Variants in ARMH4 observed in about 807,000 individuals in gnomAD.
The protein encoded by ARMH4 is armadillo-like helical domain-containing protein 4.
A neutral mutation model predicts 61.9 loss-of-function variants in ARMH4; 49 were observed. The ratio of observed to expected loss-of-function variants is 0.79; its 90% CI spans 0.63 to 1.00. ARMH4 has a LOEUF of 1.00. Among genes scored for constraint, ARMH4 ranks in the 50% least tolerant of loss-of-function variants. ARMH4 has a pLI of 0.00. For missense variants in ARMH4, 934 were observed against 930.0 expected, an observed-to-expected ratio of 1.00 and a Z score of -0.06; for synonymous variants, 368 against 341.5, an observed-to-expected ratio of 1.08 and a Z score of -0.85.
At chr14:58,030,876 C>T (rs1355053404) in intron 5 of ARMH4, among the ~76,000 whole-genome samples, 1 of 152,150 alleles carries the variant, frequency 6.6e-6, no homozygotes, top group Non-Finnish European at 1.5e-5. Flanking sequence ...ATACACCCAT[C>T]AATGGACACT....
At chr14:58,081,357 G>A (rs1885219999) in intron 5 of ARMH4, among the ~76,000 whole-genome samples, 1 of 152,112 alleles carries the variant, frequency 6.6e-6, no homozygotes. Flanking sequence ...GGTCAACACT[G>A]TGCTTGCTTT....
intron 5 of ARMH4, among the ~76,000 whole-genome samples, chr14:58,015,363 T>C (rs191849003): frequency 8.5e-5 from 13 of 152,212 alleles, no homozygotes; most frequent in Non-Finnish European, 1.6e-4. Context: ...AGTGAGTAAG[T>C]ATTCTGGTGG....
intron 5 of ARMH4, among the ~76,000 whole-genome samples, chr14:58,061,219 T>C (rs1050403569): frequency 6.6e-6 from 1 of 152,190 alleles, no homozygotes; most frequent in African/African-American, 2.4e-5. Context: ...CAGATTCTCC[T>C]GAATTTCAAC....
chr14:58,082,127 T>C (rs921099028), intron 5 of ARMH4, among the ~76,000 whole-genome samples: 7 of 152,244 alleles, frequency 4.6e-5, no homozygotes, highest in African/African-American at 1.2e-4. Context: ...TCAAAGATTA[T>C]GCTGACAACC....
At chr14:58,065,697 G>A (rs1884680580) in intron 5 of ARMH4, among the ~76,000 whole-genome samples, 1 of 152,208 alleles carries the variant, frequency 6.6e-6, no homozygotes, top group Admixed American at 6.5e-5. Context: ...CTTAGGTGTG[G>A]GCATGGCCTG....
At chr14:58,090,009 G>A (rs1885505950) in intron 5 of ARMH4, among the ~76,000 whole-genome samples, 1 of 152,140 alleles carries the variant, frequency 6.6e-6, no homozygotes, top group Non-Finnish European at 1.5e-5. Context: ...ATAGATACAT[G>A]AGTGCTCCCC....
intron 6 of ARMH4, among the ~76,000 whole-genome samples, chr14:58,007,349 A>G (rs1165093673): frequency 6.6e-6 from 1 of 152,202 alleles, no homozygotes; most frequent in Non-Finnish European, 1.5e-5. Flanking sequence ...ATTTATATTT[A>G]TATTTGTAAA....
At chr14:58,107,725 T>C (rs781150390) in intron 4 of ARMH4, among the ~76,000 whole-genome samples, 11 of 143,490 alleles carry the variant, frequency 7.7e-5, no homozygotes, top group Non-Finnish European at 1.2e-4. Context: ...GATTACGCCA[T>C]TGCACTCCAG....
intron 5 of ARMH4, among the ~76,000 whole-genome samples, chr14:58,061,691 T>C (rs758366956): frequency 6.6e-6 from 1 of 152,172 alleles, no homozygotes; most frequent in African/African-American, 2.4e-5. Flanking sequence ...CAGCACCTTA[T>C]GAATATTCCA....
At chr14:58,041,387 CA>C (rs1235032261) in intron 5 of ARMH4, among the ~76,000 whole-genome samples, 1 of 152,122 alleles carries the variant, frequency 6.6e-6, no homozygotes, top group Admixed American at 6.6e-5. Context: ...TACAGACAAG[CA>C]AATGCTGAGA....
At chr14:58,110,907 G>C (rs1886333785) in intron 4 of ARMH4, among the ~76,000 whole-genome samples, 1 of 151,956 alleles carries the variant, frequency 6.6e-6, no homozygotes, top group Non-Finnish European at 1.5e-5. Context: ...TATTACAGGT[G>C]CACACCACCA....
Position 58,076,902 on chromosome 14 carries a change from C to T in ARMH4, c.2089+19822G>A, listed in dbSNP as rs17094337. ...TCCTATAGTTGAACCCAGACTCGGG[C>T]CCCTCATTCCTCCCATCGGGGCCAC... is the stretch of plus-strand genomic sequence containing the variant. On this transcript the variant is annotated intron_variant, in intron 5 of 7. Transcript: ENST00000267485. 8.7e-3 allele frequency among the ~76,000 whole-genome samples: 1,319 copies of T among 152,264 alleles called. 15 individuals are homozygous for T. The highest frequency in any genetic ancestry group is 0.028 in the African/African-American group (1,166 of 41,544).
At chr14:58,012,179 A>T in intron 5 of ARMH4, 29 bp from the exon 6 acceptor site, 1 of 1,293,560 alleles carries the variant, frequency 7.7e-7, no homozygotes, top group Non-Finnish European at 1.1e-6. Context: ...AATAAAATGA[A>T]ATAACCATCT....
chr14:58,006,505 T>C (rs1419149967), intron 6 of ARMH4, among the ~76,000 whole-genome samples: 4 of 152,184 alleles, frequency 2.6e-5, no homozygotes, highest in Non-Finnish European at 4.4e-5. Context: ...ACAGCAGCAC[T>C]TTCCTCTTGT....
intron 5 of ARMH4, among the ~76,000 whole-genome samples, chr14:58,054,142 C>G (rs1401656710): frequency 2.6e-5 from 4 of 152,062 alleles, no homozygotes; most frequent in Non-Finnish European, 5.9e-5. Context: ...AAAATCAAAC[C>G]CTGATCTGTT....
chr14:58,081,524 G>A lies in ARMH4; in HGVS notation c.2089+15200C>T, dbSNP rs376540248. The stretch of plus-strand genomic sequence containing the variant: ...CATATCTTTTTTTTTTTTTTTAGAC[G>A]GAATCTCGCTCTGTCACCTGGGCTG... On this transcript the variant is annotated intron_variant, in intron 5 of 7. Coordinates refer to ENST00000267485, the MANE Select transcript of ARMH4 (RefSeq NM_001001872.4). Among the ~76,000 whole-genome samples, 30 of 148,806 alleles carry A rather than the reference G, an allele frequency of 2.0e-4. 1 individual carries two copies. In the East Asian group the frequency reaches 2.1e-3, roughly 11 times the overall value.
In ARMH4 at chr14:58,138,617, C is replaced by T. The variant is rs1555344853; in HGVS notation, c.742G>A (p.Gly248Arg). ...TTCTCCTTATCAGGGGTGAGGCTTC[C>T]AGGCTCACTGCCTGCTGTGGACTCA... ...GAESTAGSEP[G>R]SLTPDKEKPS... The change falls in exon 2 of 8, where the codon GGA becomes AGA. Residue 248 changes from glycine to arginine, a missense_variant. Coordinates refer to ENST00000267485, the MANE Select transcript of ARMH4 (RefSeq NM_001001872.4). 3.7e-6 allele frequency: 6 copies of T among 1,614,134 alleles called. No individual in the cohort carries two copies. Among genetic ancestry groups the T allele is most frequent in the Non-Finnish European group, 5.1e-6 (6 of 1,180,022 alleles).
intron 5 of ARMH4, among the ~76,000 whole-genome samples, chr14:58,021,490 C>T (rs1036931946): frequency 6.6e-6 from 1 of 152,208 alleles, no homozygotes; most frequent in Admixed American, 6.5e-5. Flanking sequence ...GTAAGTTGCA[C>T]TGTCTCAGGT....
chr14:58,139,457 G>T, intron 1 of ARMH4, 43 bp from the exon 2 acceptor site: 2 of 1,091,562 alleles, frequency 1.8e-6, no homozygotes, highest in Non-Finnish European at 2.7e-6. Context: ...ATAAATACAT[G>T]TTGTAAATAA....
Sources: gnomAD v4.1 joint callset for allele counts (sites outside exome capture counted in the v4.1 genomes callset) on GRCh38, gnomAD v4.1.1 for gene constraint, MANE v1.5 for transcripts, NCBI Gene and HGNC (gene_info 2026-07-23, HGNC 2026-07-21) for gene names.